MSRB3: variants seen among roughly 807,000 people sequenced by gnomAD.
MSRB3 encodes methionine sulfoxide reductase B3.
MSRB3 carries 13 observed loss-of-function variants against 21.0 expected under a neutral mutation model. The ratio of observed to expected loss-of-function variants is 0.62; its 90% CI spans 0.40 to 0.98. The LOEUF (loss-of-function observed/expected upper bound fraction) is 0.98, where lower values mean the gene tolerates loss of function less well. MSRB3 is among the 50% of genes least tolerant of loss of function. The pLI is 0.00. For synonymous variants in MSRB3, 87 were observed against 88.6 expected (o/e 0.98, Z 0.10); for missense variants, 199 against 230.3 (o/e 0.86, Z 0.88).
chr12:65,292,263 A>G (rs1872706676), intron 1 of MSRB3, among the ~76,000 whole-genome samples: 1 of 152,192 alleles, frequency 6.6e-6, no homozygotes, highest in South Asian at 2.1e-4. Context: ...TGTTAGACAC[A>G]TGATTTTAGG....
intron 5 of MSRB3, among the ~76,000 whole-genome samples, chr12:65,374,201 A>G (rs1878472622): frequency 6.6e-6 from 1 of 152,206 alleles, no homozygotes; most frequent in African/African-American, 2.4e-5. Context: ...TAAACTCATA[A>G]CATTGAAGAA....
At chr12:65,413,075 A>AGGG (rs757143692) in intron 5 of MSRB3, among the ~76,000 whole-genome samples, 34 of 152,182 alleles carry the variant, frequency 2.2e-4, no homozygotes, top group Non-Finnish European at 1.5e-4. Context: ...GCAGACACAG[A>AGGG]GCCAAACCAT....
chr12:65,316,033 A>G (rs911438561), intron 2 of MSRB3: 1 of 152,194 alleles, frequency 6.6e-6, no homozygotes, highest in Non-Finnish European at 1.5e-5. Context: ...CAAATTTTAG[A>G]TAATCTCACA....
chr12:65,306,857 C>G (rs1412798448), intron 1 of MSRB3: 1 of 985,738 alleles, frequency 1.0e-6, no homozygotes, highest in Admixed American at 6.1e-5. Flanking sequence ...TTTCCCTGAC[C>G]TGCAGAGTGA....
chr12:65,375,056 C>T (rs904301163), intron 5 of MSRB3, among the ~76,000 whole-genome samples: 1 of 151,412 alleles, frequency 6.6e-6, no homozygotes, highest in African/African-American at 2.4e-5. Flanking sequence ...GGGGTTTCAC[C>T]GTGTTAGTCA....
rs968086898 is a variant in MSRB3 at position 65,369,046 on chromosome 12, G to A, written c.292+20G>A. The A allele has an allele frequency of 8.6e-6, 13 of 1,512,568 alleles. No homozygotes were observed. The highest frequency in any genetic ancestry group is 1.4e-5 in the African/African-American group (1 of 72,354). 93.7% of individuals were successfully genotyped at this position (1,512,568 alleles called of 1,614,324 possible). A position where few individuals can be genotyped will look rare whatever the true frequency, so the allele number is the denominator to read the frequency against. On this transcript the variant is annotated intron_variant, in intron 5 of 6. Transcript: ENST00000308259. Reference sequence around the variant, plus strand: ...GTTCAGGTATGTTTACATTAATAATGCTCTTCTGAATATATTTTATTTACA... The same window carrying A: ...GTTCAGGTATGTTTACATTAATAATACTCTTCTGAATATATTTTATTTACA...
intron 5 of MSRB3, among the ~76,000 whole-genome samples, chr12:65,447,728 A>G (rs1168827624): frequency 6.6e-6 from 1 of 152,220 alleles, no homozygotes; most frequent in African/African-American, 2.4e-5. Context: ...CGTTAGAGAA[A>G]GATGGGGAGA....
intron 5 of MSRB3, among the ~76,000 whole-genome samples, chr12:65,450,333 T>C (rs1882801920): frequency 6.6e-6 from 1 of 152,228 alleles, no homozygotes; most frequent in Admixed American, 6.5e-5. Flanking sequence ...ACTTGCCTGC[T>C]TCAGTTGTAC....
At chr12:65,340,314 C>G in intron 4 of MSRB3, among the ~76,000 whole-genome samples, 1 of 151,972 alleles carries the variant, frequency 6.6e-6, no homozygotes, top group South Asian at 2.1e-4. Context: ...AATATCCAGA[C>G]TGAAGCTAGG....
At chr12:65,453,064 CTT>C (rs1200369847) in intron 5 of MSRB3, among the ~76,000 whole-genome samples, 1 of 152,106 alleles carries the variant, frequency 6.6e-6, no homozygotes, top group Non-Finnish European at 1.5e-5. Context: ...ATAAATAAAA[CTT>C]TGAACTAGAT....
At chr12:65,299,073 C>G (rs958331334) in intron 1 of MSRB3, among the ~76,000 whole-genome samples, 2 of 152,118 alleles carry the variant, frequency 1.3e-5, no homozygotes, top group African/African-American at 4.8e-5. Flanking sequence ...TGCAACTCCA[C>G]CTCTTTCTAT....
chr12:65,331,463 T>A (rs11830012), intron 4 of MSRB3, among the ~76,000 whole-genome samples: 14,153 of 152,164 alleles, frequency 0.093, 2,262 homozygotes, highest in African/African-American at 0.32. Flanking sequence ...GCATGGCTGT[T>A]GCCACTAAAC....
chr12:65,382,090 C>T (rs1221230894), intron 5 of MSRB3, among the ~76,000 whole-genome samples: 3 of 151,962 alleles, frequency 2.0e-5, no homozygotes, highest in African/African-American at 7.2e-5. Context: ...AAATATCATC[C>T]CTTTCTTCAC....
chr12:65,417,056 T>C (rs540980768), intron 5 of MSRB3, among the ~76,000 whole-genome samples: 29 of 152,344 alleles, frequency 1.9e-4, no homozygotes, highest in African/African-American at 6.5e-4. Flanking sequence ...TCCTTTTTAA[T>C]AGATTCTAGT....
intron 4 of MSRB3, among the ~76,000 whole-genome samples, chr12:65,367,810 A>T (rs1878096955): frequency 6.6e-6 from 1 of 152,212 alleles, no homozygotes; most frequent in Non-Finnish European, 1.5e-5. Context: ...AATGTGCACC[A>T]GGATTACGGC....
At chr12:65,396,607 C>T (rs1372657941) in intron 5 of MSRB3, among the ~76,000 whole-genome samples, 1 of 151,616 alleles carries the variant, frequency 6.6e-6, no homozygotes. Flanking sequence ...AGGAGAATCA[C>T]TTGAACCCGG....
chr12:65,304,586 T>C (rs1873536832), intron 1 of MSRB3, among the ~76,000 whole-genome samples: 1 of 152,314 alleles, frequency 6.6e-6, no homozygotes, highest in East Asian at 1.9e-4. Context: ...TCTGTAAATG[T>C]CATTCATCCA....
intron 5 of MSRB3, among the ~76,000 whole-genome samples, chr12:65,447,765 C>G (rs1458944159): frequency 6.6e-6 from 1 of 152,120 alleles, no homozygotes; most frequent in Non-Finnish European, 1.5e-5. Flanking sequence ...ATATAGAAAA[C>G]AAGGTAGTAT....
At chr12:65,313,774 T>A (rs1160972390) in intron 2 of MSRB3, among the ~76,000 whole-genome samples, 1 of 152,156 alleles carries the variant, frequency 6.6e-6, no homozygotes, top group East Asian at 1.9e-4. Flanking sequence ...CCTAATTTCT[T>A]TGATTATATT....
Sources: allele counts gnomAD v4.1 joint callset (sites outside exome capture counted in the v4.1 genomes callset), GRCh38; gene constraint gnomAD v4.1.1; transcripts MANE v1.5; gene names NCBI Gene and HGNC (gene_info 2026-07-23, HGNC 2026-07-21).